PARD3B: variants seen among roughly 807,000 people sequenced by gnomAD.
PARD3B encodes the protein par-3 family cell polarity regulator beta.
A neutral mutation model predicts 130.2 loss-of-function variants in PARD3B; 103 were observed. The observed-to-expected ratio is 0.79, with a 90% CI of 0.67 to 0.93. The LOEUF is 0.93. PARD3B is among the 40% of genes least tolerant of loss of function. PARD3B has a pLI of 0.00. For synonymous variants in PARD3B, 583 were observed against 553.2 expected, an observed-to-expected ratio of 1.05 and a Z score of -0.76; for missense variants, 1,609 against 1,499.2, an observed-to-expected ratio of 1.07 and a Z score of -1.21.
At chr2:205,272,757 C>A (rs953376685) in intron 16 of PARD3B, among the ~76,000 whole-genome samples, 3 of 152,184 alleles carry the variant, frequency 2.0e-5, no homozygotes, top group Admixed American at 6.5e-5. Context: ...AGACATAATT[C>A]TGTCCCTTTT....
intron 1 of PARD3B, among the ~76,000 whole-genome samples, chr2:204,578,111 A>G (rs2032363005): frequency 6.6e-6 from 1 of 152,244 alleles, no homozygotes; most frequent in South Asian, 2.1e-4. Flanking sequence ...AAATGTCGGT[A>G]GTACAGAGGC....
At chr2:204,642,115 G>A in intron 1 of PARD3B, among the ~76,000 whole-genome samples, 1 of 152,194 alleles carries the variant, frequency 6.6e-6, no homozygotes, top group East Asian at 1.9e-4. Flanking sequence ...ATTGGGGTCA[G>A]CCCATTTGAC....
chr2:205,240,534 G>A (rs1012337), intron 15 of PARD3B, among the ~76,000 whole-genome samples: 59,873 of 151,950 alleles, frequency 0.39, 13,277 homozygotes, highest in East Asian at 0.58. Flanking sequence ...TATGAATAGT[G>A]AGAATCTGAA....
intron 2 of PARD3B, among the ~76,000 whole-genome samples, chr2:204,899,256 CCCTT>C (rs147570066): frequency 0.023 from 2,930 of 128,176 alleles, 78 homozygotes; most frequent in African/African-American, 0.065. Context: ...CTCCCTCCCT[CCCTT>C]CCTTCCTTCC....
chr2:204,979,778 A>G (rs140678521), intron 3 of PARD3B, among the ~76,000 whole-genome samples: 4,229 of 152,340 alleles, frequency 0.028, 86 homozygotes, highest in Middle Eastern at 0.054. Flanking sequence ...GGTCAATTCA[A>G]TATCTATATA....
At position 205,253,900 on chromosome 2, in the gene PARD3B, AAAAC is replaced by A. The variant is rs2039961347; in HGVS notation, c.2185+8082_2185+8085del. ...GAACTGCATTTCAATTAAGAAAACAAAAACAAAAACACCACAGAGGTGGTTTGAA... is the reference window on the plus strand; with the variant it reads ...GAACTGCATTTCAATTAAGAAAACAAAAAAACACCACAGAGGTGGTTTGAA... On this transcript the variant is annotated intron_variant, in intron 16 of 22. Transcript: ENST00000406610. The surrounding 1 kb of genome is among the most constrained non-coding windows in gnomAD (Gnocchi z 4.4). Among the ~76,000 whole-genome samples the A allele has an allele frequency of 1.3e-5, 2 of 152,096 alleles. No homozygotes were observed. Among genetic ancestry groups the A allele is most frequent in the African/African-American group, 4.8e-5 (2 of 41,418 alleles).
Position 205,440,927 on chromosome 2 carries a change from G to T in PARD3B, c.3044+255G>T, listed in dbSNP as rs1232000717. On this transcript the variant is annotated intron_variant, in intron 20 of 22. Coordinates refer to ENST00000406610, the MANE Select transcript of PARD3B (RefSeq NM_001302769.2). This position sits in a 1 kb window ranked among gnomAD's most constrained non-coding sequence, Gnocchi z 4.2. ...GCAATAGGGAGCCATTTTTGAAGGAGTATTGTGACAGACATCTCATGAAGA... is the reference window on the plus strand; with the variant it reads ...GCAATAGGGAGCCATTTTTGAAGGATTATTGTGACAGACATCTCATGAAGA... Among the ~76,000 whole-genome samples the T allele has an allele frequency of 1.3e-5, 2 of 152,216 alleles. No homozygotes were observed. Among genetic ancestry groups the T allele is most frequent in the Admixed American group, 6.5e-5 (1 of 15,282 alleles).
chr2:205,052,442 T>C (rs973106294), intron 4 of PARD3B, among the ~76,000 whole-genome samples: 3 of 37,770 alleles, frequency 7.9e-5, no homozygotes, highest in Admixed American at 3.4e-4. Context: ...TATATATATA[T>C]ATATATATAA....
At chr2:205,193,963 C>T (rs148332651) in intron 15 of PARD3B, among the ~76,000 whole-genome samples, 1 of 152,224 alleles carries the variant, frequency 6.6e-6, no homozygotes, top group Non-Finnish European at 1.5e-5. Context: ...CTGTTGGGTG[C>T]CAGGGCAGAG....
chr2:204,850,830 T>C (rs1488439445), intron 2 of PARD3B, among the ~76,000 whole-genome samples: 2 of 152,216 alleles, frequency 1.3e-5, no homozygotes, highest in African/African-American at 4.8e-5. Flanking sequence ...TGTCTTACAG[T>C]GCTCCACACA....
intron 2 of PARD3B, among the ~76,000 whole-genome samples, chr2:204,715,302 T>TAA (rs1299416242): frequency 6.6e-6 from 1 of 152,224 alleles, no homozygotes; most frequent in Non-Finnish European, 1.5e-5. Context: ...CCTGTGATTC[T>TAA]GACAAATTTT....
At chr2:204,753,446 A>G (rs1342742869) in intron 2 of PARD3B, among the ~76,000 whole-genome samples, 1 of 152,170 alleles carries the variant, frequency 6.6e-6, no homozygotes, top group Non-Finnish European at 1.5e-5. Flanking sequence ...AGTTACTAGA[A>G]AAAATTTCCC....
At chr2:204,640,966 T>A (rs1180439527) in intron 1 of PARD3B, among the ~76,000 whole-genome samples, 2 of 147,914 alleles carry the variant, frequency 1.4e-5, no homozygotes, top group Non-Finnish European at 3.0e-5. Context: ...ACTGTATATA[T>A]AATATATATT....
At chr2:204,820,777 C>T (rs565829270) in intron 2 of PARD3B, among the ~76,000 whole-genome samples, 2 of 151,782 alleles carry the variant, frequency 1.3e-5, no homozygotes, top group Non-Finnish European at 2.9e-5. Flanking sequence ...GATGGTGCCA[C>T]TGCACTCCAG....
chr2:204,659,711 T>C (rs571247103), intron 1 of PARD3B, among the ~76,000 whole-genome samples: 15 of 152,312 alleles, frequency 9.8e-5, no homozygotes, highest in African/African-American at 3.6e-4. Flanking sequence ...GTTGGCACTG[T>C]GATCCAGGCT....
At chr2:205,433,282 C>T (rs1041419183) in intron 19 of PARD3B, among the ~76,000 whole-genome samples, 4 of 152,008 alleles carry the variant, frequency 2.6e-5, no homozygotes, top group Non-Finnish European at 5.9e-5. Context: ...CCTATAATCC[C>T]AGCACTTTGG....
At chr2:204,947,499 A>G (rs1330847737) in intron 2 of PARD3B, among the ~76,000 whole-genome samples, 1 of 152,134 alleles carries the variant, frequency 6.6e-6, no homozygotes, top group Non-Finnish European at 1.5e-5. Context: ...ACTACAGTAC[A>G]TAGGACAACT....
rs16836501 is a variant in PARD3B, at chr2:204,676,643, A to G, written c.121-9538A>G. Among the ~76,000 whole-genome samples, 1,137 of 150,410 alleles carry G rather than the reference A, an allele frequency of 7.6e-3. 16 individuals carry two copies. Among genetic ancestry groups the G allele is most frequent in the African/African-American group, 0.025 (1,013 of 40,854 alleles). The stretch of plus-strand genomic sequence containing the variant: ...TGTAGAGAGCTCATGTTTTTACCAT[A>G]CATCCCATTCTACTCTATGATTGTT... On this transcript the variant is annotated intron_variant, in intron 1 of 22. Coordinates refer to ENST00000406610, the MANE Select transcript of PARD3B (RefSeq NM_001302769.2).
At chr2:205,579,867 C>T (rs948223593) in intron 22 of PARD3B, among the ~76,000 whole-genome samples, 3 of 152,160 alleles carry the variant, frequency 2.0e-5, no homozygotes, top group African/African-American at 7.2e-5. Flanking sequence ...GCTCTTGACA[C>T]GTATTGCCTT....
Sources: allele counts gnomAD v4.1 joint callset (sites outside exome capture counted in the v4.1 genomes callset), GRCh38; gene constraint gnomAD v4.1.1; non-coding constraint Gnocchi (gnomAD v3.1); transcripts MANE v1.5; gene names NCBI Gene and HGNC (gene_info 2026-07-23, HGNC 2026-07-21).